RAB31: variants seen among roughly 807,000 people sequenced by gnomAD.
The protein encoded by RAB31 is RAB31, member RAS oncogene family.
Under a neutral mutation model 25.6 loss-of-function variants are expected in RAB31, and 21 were observed. The observed-to-expected ratio is 0.82, with a 90% CI of 0.58 to 1.18. The LOEUF (loss-of-function observed/expected upper bound fraction) is 1.18, where lower values mean the gene tolerates loss of function less well. Ranked by LOEUF, RAB31 falls within the 50% of genes most tolerant of loss-of-function variation. The pLI is 0.00. For missense variants in RAB31, 196 were observed against 250.1 expected (o/e 0.78, Z 1.46); for synonymous variants, 87 against 84.0 (o/e 1.04, Z -0.20).
intron 5 of RAB31, among the ~76,000 whole-genome samples, chr18:9,823,612 G>A (rs1175305518): frequency 6.6e-6 from 1 of 152,102 alleles, no homozygotes; most frequent in Non-Finnish European, 1.5e-5. Context: ...TTAACAAAAA[G>A]TTGATTTAGA....
intron 5 of RAB31, among the ~76,000 whole-genome samples, chr18:9,842,295 A>G (rs879833461): frequency 1.9e-4 from 29 of 152,268 alleles, no homozygotes; most frequent in South Asian, 6.2e-4. Flanking sequence ...TCAACCCTCT[A>G]ACCATGTGGT....
chr18:9,734,225 A>G (rs1035454041), intron 1 of RAB31, among the ~76,000 whole-genome samples: 2 of 152,098 alleles, frequency 1.3e-5, no homozygotes, highest in Non-Finnish European at 2.9e-5. Context: ...CCTTCCCTGC[A>G]CTGTCACAGC....
chr18:9,772,213 C>G (rs12963858), intron 1 of RAB31, among the ~76,000 whole-genome samples: 1 of 144,218 alleles, frequency 6.9e-6, no homozygotes, highest in African/African-American at 2.6e-5. Context: ...TTCAGACCAG[C>G]GCCCCCACCG....
chr18:9,807,788 A>G (rs1186969788), intron 3 of RAB31, among the ~76,000 whole-genome samples: 1 of 152,124 alleles, frequency 6.6e-6, no homozygotes, highest in African/African-American at 2.4e-5. Flanking sequence ...AGCCTGGGCA[A>G]CATAGCGTGA....
chr18:9,757,097 A>G (rs532924136), intron 1 of RAB31, among the ~76,000 whole-genome samples: 22 of 152,350 alleles, frequency 1.4e-4, no homozygotes, highest in African/African-American at 4.8e-4. Flanking sequence ...TCAGTCAGGA[A>G]GCAGAGCTAC....
intron 1 of RAB31, among the ~76,000 whole-genome samples, chr18:9,729,444 G>A (rs1268409526): frequency 2.0e-5 from 3 of 151,494 alleles, no homozygotes; most frequent in African/African-American, 4.9e-5. Flanking sequence ...GGAGAATGGC[G>A]TAAACCAGGG....
chr18:9,841,738 A>G (rs1385870465), intron 5 of RAB31, among the ~76,000 whole-genome samples: 1 of 152,136 alleles, frequency 6.6e-6, no homozygotes, highest in Non-Finnish European at 1.5e-5. Flanking sequence ...CTTGGGGGAC[A>G]GGCAGAGGGA....
chr18:9,793,870 C>G lies in RAB31; in HGVS notation c.201+1635C>G, dbSNP rs59951430. On this transcript the variant is annotated intron_variant, in intron 3 of 6. Transcript: ENST00000578921. ...AATGTCACCACCTCATTTTCTTGCC[C>G]TACTCCACTCACTTCCTGCTTCATT... 4.0e-3 allele frequency among the ~76,000 whole-genome samples: 602 copies of G among 152,244 alleles called. 3 individuals are homozygous for G. Among genetic ancestry groups the G allele is most frequent in the African/African-American group, 0.014 (579 of 41,536 alleles).
chr18:9,822,882 A>T (rs1375533833), intron 5 of RAB31, among the ~76,000 whole-genome samples: 1 of 152,208 alleles, frequency 6.6e-6, no homozygotes, highest in Non-Finnish European at 1.5e-5. Flanking sequence ...ACGTGCAGTT[A>T]CCATATGGCC....
intron 5 of RAB31, among the ~76,000 whole-genome samples, chr18:9,842,744 G>T (rs990933775): frequency 6.6e-6 from 1 of 152,230 alleles, no homozygotes; most frequent in Non-Finnish European, 1.5e-5. Context: ...ATGTGGTGCT[G>T]GTGGGTGCTT....
chr18:9,825,884 A>C (rs1309606888), intron 5 of RAB31, among the ~76,000 whole-genome samples: 1 of 152,220 alleles, frequency 6.6e-6, no homozygotes, highest in Non-Finnish European at 1.5e-5. Flanking sequence ...AGGGGAAGTA[A>C]GCATTGGGCA....
chr18:9,735,474 T>G (rs2068146534), intron 1 of RAB31: 1 of 212,854 alleles, frequency 4.7e-6, no homozygotes, highest in Non-Finnish European at 1.0e-5. Context: ...TTTGTCAAAG[T>G]TGATCCTGTG....
intron 1 of RAB31, among the ~76,000 whole-genome samples, chr18:9,718,142 C>A (rs1450090272): frequency 2.0e-5 from 3 of 152,244 alleles, no homozygotes; most frequent in Non-Finnish European, 4.4e-5. Context: ...AGTGATCCAC[C>A]TGCCTCAGCC....
chr18:9,774,634 A>G (rs1352628732), intron 1 of RAB31, among the ~76,000 whole-genome samples: 1 of 152,178 alleles, frequency 6.6e-6, no homozygotes, highest in Admixed American at 6.5e-5. Flanking sequence ...ACCACTTTAC[A>G]AGGGCTTTGG....
chr18:9,859,155 C>G (rs1432056750), intron 6 of RAB31, 73 bp from the exon 7 acceptor site: 1 of 1,285,410 alleles, frequency 7.8e-7, no homozygotes, highest in Non-Finnish European at 1.1e-6. Context: ...AGTGTTGAAG[C>G]AGGGTGAAAA....
intron 1 of RAB31, among the ~76,000 whole-genome samples, chr18:9,752,554 T>G (rs951340168): frequency 6.6e-6 from 1 of 152,196 alleles, no homozygotes; most frequent in African/African-American, 2.4e-5. Flanking sequence ...GACAAAACTG[T>G]GCAACCTGGA....
chr18:9,743,957 C>T (rs1369117686), intron 1 of RAB31, among the ~76,000 whole-genome samples: 1 of 152,236 alleles, frequency 6.6e-6, no homozygotes, highest in Non-Finnish European at 1.5e-5. Flanking sequence ...CACTTACCTC[C>T]TCTATATGAC....
At chr18:9,712,469 C>T (rs2068022455) in intron 1 of RAB31, among the ~76,000 whole-genome samples, 1 of 152,236 alleles carries the variant, frequency 6.6e-6, no homozygotes, top group African/African-American at 2.4e-5. Context: ...TCATTCGTCC[C>T]ACTTTGTGAT....
At chr18:9,783,384 C>T (rs1204215213) in intron 2 of RAB31, among the ~76,000 whole-genome samples, 1 of 152,126 alleles carries the variant, frequency 6.6e-6, no homozygotes, top group East Asian at 1.9e-4. Context: ...CCCCCCCTTA[C>T]CTGCACTGTG....
Sources: allele counts gnomAD v4.1 joint callset (sites outside exome capture counted in the v4.1 genomes callset), GRCh38; gene constraint gnomAD v4.1.1; transcripts MANE v1.5; gene names NCBI Gene and HGNC (gene_info 2026-07-23, HGNC 2026-07-21).